CDH9: variants seen among roughly 807,000 people sequenced by gnomAD.
CDH9 encodes the protein cadherin 9, also known as cadherin-9.
A neutral mutation model predicts 70.9 loss-of-function variants in CDH9; 28 were observed. The observed-to-expected ratio is 0.40, with a 90% CI of 0.29 to 0.54. The LOEUF (loss-of-function observed/expected upper bound fraction) is 0.54. CDH9 is among the 20% of genes least tolerant of loss of function. The probability of loss-of-function intolerance (pLI) is 0.59; values close to 1 mark genes in which losing one functional copy is unlikely to be tolerated. For synonymous variants in CDH9, 409 were observed against 343.1 expected, an observed-to-expected ratio of 1.19 and a Z score of -2.12; for missense variants, 874 against 984.4, an observed-to-expected ratio of 0.89 and a Z score of 1.50.
chr5:26,912,235 A>T (rs1390632109), intron 3 of CDH9, among the ~76,000 whole-genome samples: 2 of 152,162 alleles, frequency 1.3e-5, no homozygotes, highest in South Asian at 4.1e-4. Flanking sequence ...TATGCATCAG[A>T]TTTAACTGTT....
chr5:26,926,446 A>G (rs370730731), intron 2 of CDH9, among the ~76,000 whole-genome samples: 2 of 152,184 alleles, frequency 1.3e-5, no homozygotes, highest in East Asian at 3.9e-4. Context: ...AAAAGAGCAC[A>G]CAAACAAATG....
intron 1 of CDH9, among the ~76,000 whole-genome samples, chr5:26,993,381 T>C (rs1269543542): frequency 2.0e-5 from 3 of 152,202 alleles, no homozygotes; most frequent in African/African-American, 4.8e-5. Flanking sequence ...TTGGCTTCTC[T>C]TTATAGTAAA....
chr5:26,917,923 A>C lies in CDH9; in HGVS notation c.229-1999T>G, dbSNP rs147539615. On this transcript the variant is annotated intron_variant, in intron 2 of 11. Coordinates refer to ENST00000231021, the MANE Select transcript of CDH9 (RefSeq NM_016279.4). ...AGTCATAAAAACCAGAGTTAGCATC[A>C]TGCACATTTTGGTGTTATATTGGCC... Among the ~76,000 whole-genome samples the C allele has an allele frequency of 3.9e-3, 597 of 152,312 alleles. 1 individual carries two copies. Among genetic ancestry groups the C allele is most frequent in the African/African-American group, 0.014 (564 of 41,572 alleles).
chr5:26,910,130 T>G (rs991095820), intron 3 of CDH9, among the ~76,000 whole-genome samples: 13 of 152,080 alleles, frequency 8.5e-5, no homozygotes, highest in Non-Finnish European at 1.8e-4. Flanking sequence ...TTGTGCCTTA[T>G]ATGCAAATAT....
At chr5:26,979,951 G>A (rs1048832642) in intron 2 of CDH9, among the ~76,000 whole-genome samples, 1 of 151,706 alleles carries the variant, frequency 6.6e-6, no homozygotes, top group East Asian at 1.9e-4. Context: ...TTACTCCCAG[G>A]AAGAATTTAA....
In CDH9 at chr5:26,988,110, C is replaced by A; in HGVS notation, c.224G>T (p.Gly75Val). The change falls in exon 2 of 12, where the codon GGC becomes GTC. Residue 75 changes from glycine to valine, a missense_variant. Coordinates refer to ENST00000231021, the MANE Select transcript of CDH9 (RefSeq NM_016279.4). The part of the protein sequence containing the change: ...EYTGTDTQYV[G>V]KLHTDQDKGD... ...TTCTCATACAAAAATTCTTACCTTGCCTACATATTGTGTGTCAGTACCTGT... is the reference window on the plus strand; with the variant it reads ...TTCTCATACAAAAATTCTTACCTTGACTACATATTGTGTGTCAGTACCTGT... The A allele has an allele frequency of 6.2e-7, 1 of 1,603,786 alleles. No homozygotes were observed. The highest frequency in any genetic ancestry group is 8.5e-7 in the Non-Finnish European group (1 of 1,172,420).
At position 26,977,483 on chromosome 5, in the gene CDH9, G is replaced by GTA. The variant is rs1487464701; in HGVS notation, c.228+10622_228+10623insTA. On this transcript the variant is annotated intron_variant, in intron 2 of 11. Coordinates refer to ENST00000231021, the MANE Select transcript of CDH9 (RefSeq NM_016279.4). Reference sequence around the variant, plus strand: ...GATATATATGTGTGCGTGTGTGTGTGTGTATATATATATATATATATATAT... The same window carrying GTA: ...GATATATATGTGTGCGTGTGTGTGTGTATGTATATATATATATATATATATAT... Among the ~76,000 whole-genome samples the GTA allele has an allele frequency of 5.4e-3, 763 of 141,490 alleles. 2 individuals carry two copies. Among genetic ancestry groups the GTA allele is most frequent in the East Asian group, 0.034 (172 of 5,024 alleles). 92.8% of individuals were successfully genotyped at this position (141,490 alleles called of 152,430 possible).
rs1242181458 is a variant in CDH9, at chr5:26,968,706, G to GTAATTAAGTTAAA, written c.228+19399_228+19400insTTTAACTTAATTA. On this transcript the variant is annotated intron_variant, in intron 2 of 11. Transcript: ENST00000231021. ...TGATATTAATATAATAAGCATTTCA[G>GTAATTAAGTTAAA]TATGGTTGGGGGGCAAATCTTTGGC... is the stretch of plus-strand genomic sequence containing the variant. Among the ~76,000 whole-genome samples, 964 of 152,260 alleles carry GTAATTAAGTTAAA rather than the reference G, an allele frequency of 6.3e-3. 9 individuals are homozygous for GTAATTAAGTTAAA. The highest frequency in any genetic ancestry group is 0.022 in the African/African-American group (906 of 41,542).
At chr5:26,950,432 C>G (rs142013737) in intron 2 of CDH9, among the ~76,000 whole-genome samples, 1 of 152,024 alleles carries the variant, frequency 6.6e-6, no homozygotes, top group Non-Finnish European at 1.5e-5. Flanking sequence ...GATAATTTCT[C>G]AAGATGAAAA....
chr5:26,947,431 A>C (rs1221442910), intron 2 of CDH9, among the ~76,000 whole-genome samples: 1 of 152,200 alleles, frequency 6.6e-6, no homozygotes, highest in Non-Finnish European at 1.5e-5. Flanking sequence ...GAATATGTGC[A>C]TCCAAAACAT....
At chr5:26,945,459 C>A (rs1460098218) in intron 2 of CDH9, among the ~76,000 whole-genome samples, 1 of 152,032 alleles carries the variant, frequency 6.6e-6, no homozygotes, top group Non-Finnish European at 1.5e-5. Flanking sequence ...ATACATCTGG[C>A]TATTACCTTT....
At chr5:27,012,298 T>G (rs1293988078) in intron 1 of CDH9, among the ~76,000 whole-genome samples, 1 of 151,996 alleles carries the variant, frequency 6.6e-6, no homozygotes, top group African/African-American at 2.4e-5. Context: ...TATTTTTTAA[T>G]ATTTTCAATC....
At chr5:26,906,187 G>C (rs1740945624) in intron 4 of CDH9, 61 bp from the exon 5 acceptor site, 1 of 1,406,508 alleles carries the variant, frequency 7.1e-7, no homozygotes, top group Admixed American at 2.0e-5. Flanking sequence ...AATTAAGCTA[G>C]ACAAGACTCA....
chr5:26,940,017 A>G (rs4549487), intron 2 of CDH9, among the ~76,000 whole-genome samples: 135,811 of 151,938 alleles, frequency 0.89, 60,882 homozygotes, highest in East Asian at 0.99. Flanking sequence ...AAATTATCCA[A>G]GCATGGTGGT....
intron 1 of CDH9, among the ~76,000 whole-genome samples, chr5:27,019,620 G>A (rs534087995): frequency 6.6e-6 from 1 of 151,806 alleles, no homozygotes; most frequent in South Asian, 2.1e-4. Flanking sequence ...TAAAGCTTTT[G>A]CATATTTCTT....
chr5:26,961,965 A>G (rs1276218541), intron 2 of CDH9, among the ~76,000 whole-genome samples: 2 of 152,026 alleles, frequency 1.3e-5, no homozygotes, highest in Non-Finnish European at 2.9e-5. Flanking sequence ...TCCTAATGCT[A>G]TCCCTTCCCT....
At chr5:26,975,254 T>C (rs1013133392) in intron 2 of CDH9, among the ~76,000 whole-genome samples, 1 of 152,132 alleles carries the variant, frequency 6.6e-6, no homozygotes, top group Non-Finnish European at 1.5e-5. Flanking sequence ...AGAAAATATT[T>C]ACATACCGCC....
intron 3 of CDH9, among the ~76,000 whole-genome samples, chr5:26,907,624 A>C (rs1740972900): frequency 6.6e-6 from 1 of 152,116 alleles, no homozygotes; most frequent in Non-Finnish European, 1.5e-5. Flanking sequence ...AAAACATAAA[A>C]GTGCTTTAAA....
chr5:26,906,513 GAAT>G (rs1186180689), intron 4 of CDH9, among the ~76,000 whole-genome samples: 2 of 151,996 alleles, frequency 1.3e-5, no homozygotes, highest in African/African-American at 4.8e-5. Context: ...TAAACCCAAT[GAAT>G]AATAGTTTAA....
Sources: allele counts gnomAD v4.1 joint callset (sites outside exome capture counted in the v4.1 genomes callset), GRCh38; gene constraint gnomAD v4.1.1; transcripts MANE v1.5; gene names NCBI Gene and HGNC (gene_info 2026-07-23, HGNC 2026-07-21).